Variants in CFAP299 observed in about 807,000 individuals in gnomAD.
CFAP299 encodes the protein cilia and flagella associated protein 299.
Under a neutral mutation model 27.0 loss-of-function variants are expected in CFAP299, and 21 were observed. That is an observed-to-expected ratio of 0.78 (90% CI 0.55 to 1.12). CFAP299 has a LOEUF of 1.12. Among genes scored for constraint, CFAP299 ranks in the 50% most tolerant of loss-of-function variants. CFAP299 has a pLI of 0.00. For synonymous variants in CFAP299, 104 were observed against 98.1 expected, an observed-to-expected ratio of 1.06 and a Z score of -0.36; for missense variants, 310 against 276.6, an observed-to-expected ratio of 1.12 and a Z score of -0.86.
chr4:80,333,007 T>G (rs1220493966), upstream of CFAP299, among the ~76,000 whole-genome samples: 1 of 152,160 alleles, frequency 6.6e-6, no homozygotes, highest in Non-Finnish European at 1.5e-5. Context: ...AGCACAGTAG[T>G]AGTTTTCAAT....
At chr4:80,569,825 G>A (rs1218914701) in intron 2 of CFAP299, among the ~76,000 whole-genome samples, 1 of 151,934 alleles carries the variant, frequency 6.6e-6, no homozygotes, top group African/African-American at 2.4e-5. Context: ...TAAATAAGTA[G>A]TGAGACACTA....
chr4:80,654,680 C>A (rs146817967), intron 3 of CFAP299, among the ~76,000 whole-genome samples: 67 of 151,908 alleles, frequency 4.4e-4, no homozygotes, highest in African/African-American at 1.5e-3. Flanking sequence ...GATCATAGAT[C>A]ATAGCTTACT....
chr4:80,639,049 T>G (rs1405106696), intron 3 of CFAP299, among the ~76,000 whole-genome samples: 2 of 152,108 alleles, frequency 1.3e-5, no homozygotes, highest in Non-Finnish European at 2.9e-5. Context: ...CCACTACTCC[T>G]ATTATGAGGG....
chr4:80,460,321 C>G (rs1275486018), intron 2 of CFAP299, among the ~76,000 whole-genome samples: 1 of 152,154 alleles, frequency 6.6e-6, no homozygotes, highest in East Asian at 1.9e-4. Flanking sequence ...GCAGATTTTT[C>G]TCTACAGATG....
intron 3 of CFAP299, among the ~76,000 whole-genome samples, chr4:80,791,700 C>T (rs1727578805): frequency 6.6e-6 from 1 of 151,834 alleles, no homozygotes; most frequent in African/African-American, 2.4e-5. Context: ...GAACACAGGT[C>T]TAGGAACAAA....
At chr4:80,771,606 T>G (rs1373042096) in intron 3 of CFAP299, among the ~76,000 whole-genome samples, 1 of 152,178 alleles carries the variant, frequency 6.6e-6, no homozygotes, top group African/African-American at 2.4e-5. Context: ...CCCTTTTAAG[T>G]AACAGGGTGA....
At chr4:80,554,367 A>G (rs1460228386) in intron 2 of CFAP299, among the ~76,000 whole-genome samples, 1 of 151,884 alleles carries the variant, frequency 6.6e-6, no homozygotes, top group East Asian at 1.9e-4. Context: ...TTTTCTACCA[A>G]TGCCATGTTG....
At chr4:80,880,484 C>T (rs1457921029) in intron 4 of CFAP299, among the ~76,000 whole-genome samples, 1 of 152,094 alleles carries the variant, frequency 6.6e-6, no homozygotes, top group Non-Finnish European at 1.5e-5. Context: ...GTAATCCCAG[C>T]ACTTTGGGAG....
chr4:80,598,546 T>C (rs1008837696), intron 3 of CFAP299, among the ~76,000 whole-genome samples: 1 of 152,222 alleles, frequency 6.6e-6, no homozygotes, highest in Non-Finnish European at 1.5e-5. Flanking sequence ...GGTGTTTTCA[T>C]GTTATTCAGA....
At chr4:80,390,756 C>T (rs202079459) in intron 2 of CFAP299, among the ~76,000 whole-genome samples, 12 of 96,228 alleles carry the variant, frequency 1.2e-4, no homozygotes, top group African/African-American at 5.1e-4. Flanking sequence ...TATATACACA[C>T]ATATGTATAT....
At chr4:80,851,690 T>C (rs1011603625) in intron 3 of CFAP299, among the ~76,000 whole-genome samples, 3 of 152,178 alleles carry the variant, frequency 2.0e-5, no homozygotes, top group African/African-American at 7.2e-5. Context: ...TAGGGTCATG[T>C]AGAAATAGTA....
intron 3 of CFAP299, among the ~76,000 whole-genome samples, chr4:80,847,961 G>A (rs1038120008): frequency 1.3e-5 from 2 of 152,108 alleles, no homozygotes; most frequent in African/African-American, 4.8e-5. Context: ...TGCAATACCA[G>A]CACTTTAGGA....
At chr4:80,732,361 T>C (rs1054066969) in intron 3 of CFAP299, among the ~76,000 whole-genome samples, 8 of 152,178 alleles carry the variant, frequency 5.3e-5, no homozygotes, top group Non-Finnish European at 1.0e-4. Flanking sequence ...TGACCTTGAT[T>C]TCTTTCATTT....
chr4:80,857,772 G>A (rs1560448483), intron 3 of CFAP299, among the ~76,000 whole-genome samples: 2 of 152,178 alleles, frequency 1.3e-5, no homozygotes, highest in Admixed American at 1.3e-4. Flanking sequence ...GATCATGGTG[G>A]ATAAGCTTTT....
chr4:80,663,135 T>A (rs1387923713), intron 3 of CFAP299, among the ~76,000 whole-genome samples: 2 of 152,174 alleles, frequency 1.3e-5, no homozygotes, highest in African/African-American at 2.4e-5. Context: ...AATTTTTTTA[T>A]TATTATTTCT....
At chr4:80,942,598 T>C (rs1430249524) in intron 4 of CFAP299, among the ~76,000 whole-genome samples, 1 of 152,140 alleles carries the variant, frequency 6.6e-6, no homozygotes, top group Non-Finnish European at 1.5e-5. Context: ...AAAAGAATCA[T>C]GTTCTATACA....
chr4:80,704,546 T>C (rs1721708775), intron 3 of CFAP299, among the ~76,000 whole-genome samples: 1 of 151,834 alleles, frequency 6.6e-6, no homozygotes, highest in Admixed American at 6.6e-5. Context: ...GGATACTATG[T>C]GATACATTTT....
At chr4:80,488,817 G>T (rs1323648142) in intron 2 of CFAP299, among the ~76,000 whole-genome samples, 1 of 152,120 alleles carries the variant, frequency 6.6e-6, no homozygotes, top group Non-Finnish European at 1.5e-5. Flanking sequence ...TTATGCAAAG[G>T]AAGAACTCTG....
rs753522839 is a variant in CFAP299, at chr4:80,583,116, A to T, written c.266A>T (p.Asp89Val). The T allele has an allele frequency of 2.9e-5, 47 of 1,605,110 alleles. No homozygotes were observed. Among genetic ancestry groups the T allele is most frequent in the Non-Finnish European group, 3.7e-5 (44 of 1,174,342 alleles). The change falls in exon 3 of 6, where the codon GAC becomes GTC. Residue 89 changes from aspartate to valine, a missense_variant. Asp to Val is a radical substitution (Grantham distance 152). Transcript: ENST00000358105. ...QQKTLTSAGK[D>V]LQDNFLTALA... is the part of the protein sequence containing the mutation. ...AGGACGCTAACAAGTGCTGGTAAAG[A>T]CCTACAAGATAATTTTCTGACGGCC...
Sources: gnomAD v4.1 joint callset for allele counts (sites outside exome capture counted in the v4.1 genomes callset) on GRCh38, gnomAD v4.1.1 for gene constraint, MANE v1.5 for transcripts, NCBI Gene and HGNC (gene_info 2026-07-23, HGNC 2026-07-21) for gene names.